KCNT2: variants seen among roughly 807,000 people sequenced by gnomAD.
The protein encoded by KCNT2 is potassium channel subfamily T member 2.
A neutral mutation model predicts 153.8 loss-of-function variants in KCNT2; 67 were observed. The observed-to-expected ratio is 0.44, with a 90% CI of 0.36 to 0.53. The LOEUF (loss-of-function observed/expected upper bound fraction) is 0.53, where lower values mean the gene tolerates loss of function less well. KCNT2 is among the 20% of genes least tolerant of loss of function. The pLI, the probability that KCNT2 is intolerant of heterozygous loss-of-function variation, is 0.00. For synonymous variants in KCNT2, 500 were observed against 458.8 expected (o/e 1.09, Z -1.15); for missense variants, 975 against 1,354.8 (o/e 0.72, Z 4.40).
At chr1:196,562,067 A>G (rs1659483362) in intron 1 of KCNT2, among the ~76,000 whole-genome samples, 1 of 151,960 alleles carries the variant, frequency 6.6e-6, no homozygotes, top group African/African-American at 2.4e-5. Flanking sequence ...TTGACTTGAA[A>G]AAGGTGCCAG....
chr1:196,276,238 T>C (rs1658555382), intron 25 of KCNT2, among the ~76,000 whole-genome samples: 1 of 152,058 alleles, frequency 6.6e-6, no homozygotes, highest in African/African-American at 2.4e-5. Context: ...GGACATACCA[T>C]GACTAAGTAT....
chr1:196,406,169 A>G (rs1366083783), intron 12 of KCNT2, among the ~76,000 whole-genome samples: 1 of 151,466 alleles, frequency 6.6e-6, no homozygotes, highest in Non-Finnish European at 1.5e-5. Flanking sequence ...GTTAGATTAC[A>G]TACACATATA....
chr1:196,584,393 T>G (rs569999610), intron 1 of KCNT2, among the ~76,000 whole-genome samples: 1 of 152,100 alleles, frequency 6.6e-6, no homozygotes, highest in South Asian at 2.1e-4. Flanking sequence ...AGTATGAAAA[T>G]GAGCAGCTTT....
rs1441352077 is a variant in KCNT2 at position 196,366,193 on chromosome 1, CTT to C, written c.1403+6945_1403+6946del. Among the ~76,000 whole-genome samples the C allele has an allele frequency of 2.7e-5, 4 of 149,856 alleles. 1 individual carries two copies. The highest frequency in any genetic ancestry group is 6.8e-3 in the Middle Eastern group (2 of 292). Reference sequence around the variant, plus strand: ...TTTTTTTTTGAGACAGAGTTTCGCTCTTTTTGCCCAGGCTGGAGTGCAATGGC... The same window carrying C: ...TTTTTTTTTGAGACAGAGTTTCGCTCTTTGCCCAGGCTGGAGTGCAATGGC... On this transcript the variant is annotated intron_variant, in intron 14 of 27. Transcript: ENST00000294725.
intron 1 of KCNT2, among the ~76,000 whole-genome samples, chr1:196,582,093 A>G (rs1662128831): frequency 6.6e-6 from 1 of 152,050 alleles, no homozygotes; most frequent in South Asian, 2.1e-4. Flanking sequence ...TACAACGCCA[A>G]CTTTTTTAGG....
chr1:196,472,481 T>G (rs770825098), intron 5 of KCNT2, among the ~76,000 whole-genome samples: 94 of 152,344 alleles, frequency 6.2e-4, no homozygotes, highest in Non-Finnish European at 1.2e-3. Flanking sequence ...AATAAGCTAA[T>G]GACTAATAAT....
chr1:196,604,177 C>T (rs1201074489), intron 1 of KCNT2, among the ~76,000 whole-genome samples: 3 of 152,284 alleles, frequency 2.0e-5, no homozygotes, highest in East Asian at 3.9e-4. Context: ...ACAAATGGTG[C>T]AGAATCTTCT....
At chr1:196,484,228 G>T (rs1400516369) in intron 3 of KCNT2, among the ~76,000 whole-genome samples, 1 of 152,074 alleles carries the variant, frequency 6.6e-6, no homozygotes, top group Admixed American at 6.6e-5. Context: ...ACTGGCATGA[G>T]ATGGTATCTC....
At chr1:196,303,349 T>A (rs1298372816) in intron 22 of KCNT2, among the ~76,000 whole-genome samples, 14 of 152,186 alleles carry the variant, frequency 9.2e-5, no homozygotes, top group Admixed American at 9.2e-4. Flanking sequence ...TATTAAGTTT[T>A]ATTTTTCCTT....
At chr1:196,420,274 C>A (rs979821794) in intron 12 of KCNT2, among the ~76,000 whole-genome samples, 2 of 151,790 alleles carry the variant, frequency 1.3e-5, no homozygotes, top group Non-Finnish European at 2.9e-5. Context: ...TCTCATGTTA[C>A]TAGGAATATT....
At chr1:196,347,864 A>T (rs1331543961) in intron 14 of KCNT2, among the ~76,000 whole-genome samples, 1 of 152,132 alleles carries the variant, frequency 6.6e-6, no homozygotes, top group Non-Finnish European at 1.5e-5. Flanking sequence ...CTTAATCATT[A>T]CTTCCTCAGT....
chr1:196,358,208 T>C (rs1393130898), intron 14 of KCNT2, among the ~76,000 whole-genome samples: 3 of 151,828 alleles, frequency 2.0e-5, no homozygotes, highest in Admixed American at 1.3e-4. Flanking sequence ...AAATCCTAAA[T>C]ATTTCTATGA....
intron 1 of KCNT2, among the ~76,000 whole-genome samples, chr1:196,517,430 G>A (rs1211169197): frequency 6.6e-6 from 1 of 152,166 alleles, no homozygotes; most frequent in African/African-American, 2.4e-5. Context: ...TTAATTGGTT[G>A]AAATGACAGA....
chr1:196,239,247 T>TA (rs775598863), intron 26 of KCNT2, among the ~76,000 whole-genome samples: 87 of 151,740 alleles, frequency 5.7e-4, no homozygotes, highest in Non-Finnish European at 8.8e-4. Flanking sequence ...ATTAGCAAAA[T>TA]AAAAAAATTA....
intron 1 of KCNT2, among the ~76,000 whole-genome samples, chr1:196,507,001 T>C (rs1681197999): frequency 6.6e-6 from 1 of 152,086 alleles, no homozygotes; most frequent in South Asian, 2.1e-4. Context: ...AAATAATGAT[T>C]AAAACATCTA....
chr1:196,492,237 G>C (rs1283832152), intron 2 of KCNT2, 25 bp downstream of exon 2: 2 of 1,400,372 alleles, frequency 1.4e-6, no homozygotes, highest in Non-Finnish European at 1.9e-6. Context: ...TGTACGAACA[G>C]AGGGGAATGA....
intron 12 of KCNT2, among the ~76,000 whole-genome samples, chr1:196,419,257 T>C (rs914773366): frequency 2.0e-5 from 3 of 150,318 alleles, no homozygotes; most frequent in African/African-American, 4.9e-5. Context: ...ACATGTGCCA[T>C]GCTGGTGTGC....
At chr1:196,441,201 T>G (rs2148587411) in intron 8 of KCNT2, among the ~76,000 whole-genome samples, 1 of 151,948 alleles carries the variant, frequency 6.6e-6, no homozygotes, top group East Asian at 1.9e-4. Context: ...AAGAAACTAT[T>G]TAAACACCTA....
rs1658345929 is a variant in KCNT2 at position 196,554,293 on chromosome 1, A to C, written c.95+53922T>G. Among the ~76,000 whole-genome samples, 5 of 151,296 alleles carry C rather than the reference A, an allele frequency of 3.3e-5. No homozygotes were observed. The South Asian group carries it at 1.0e-3, about 31-fold the overall frequency. ...CTAAGAAAAAAGAGAGAAAAACTAAATAAATCAAATCGGAGATGAAAAAGG... is the reference window on the plus strand; with the variant it reads ...CTAAGAAAAAAGAGAGAAAAACTAACTAAATCAAATCGGAGATGAAAAAGG... On this transcript the variant is annotated intron_variant, in intron 1 of 27. Transcript: ENST00000294725.
Sources: gnomAD v4.1 joint callset for allele counts (sites outside exome capture counted in the v4.1 genomes callset) on GRCh38, gnomAD v4.1.1 for gene constraint, MANE v1.5 for transcripts, NCBI Gene and HGNC (gene_info 2026-07-23, HGNC 2026-07-21) for gene names.